Variants in PARD3 observed in about 807,000 individuals in gnomAD.
PARD3 encodes par-3 family cell polarity regulator, also known as partitioning defective 3 homolog.
A neutral mutation model predicts 155.4 loss-of-function variants in PARD3; 75 were observed. The observed-to-expected ratio is 0.48, with a 90% CI of 0.40 to 0.58. The LOEUF (loss-of-function observed/expected upper bound fraction) is 0.58, where lower values mean the gene tolerates loss of function less well. PARD3 is among the 20% of genes least tolerant of loss of function. The pLI is 0.00. For missense variants in PARD3, 1,642 were observed against 1,721.7 expected (o/e 0.95, Z 0.82); for synonymous variants, 576 against 610.5 (o/e 0.94, Z 0.83).
intron 5 of PARD3, among the ~76,000 whole-genome samples, chr10:34,411,639 G>A (rs543458776): frequency 6.6e-6 from 1 of 151,958 alleles, no homozygotes; most frequent in Non-Finnish European, 1.5e-5. Flanking sequence ...CTTGGTGACT[G>A]CAGATCTTGG....
intron 21 of PARD3, among the ~76,000 whole-genome samples, chr10:34,280,139 G>C (rs1206218348): frequency 6.6e-6 from 1 of 152,130 alleles, no homozygotes; most frequent in East Asian, 1.9e-4. Flanking sequence ...AGATATCATA[G>C]CTAATATTTC....
intron 19 of PARD3, among the ~76,000 whole-genome samples, chr10:34,323,557 A>G (rs2384137): frequency 0.055 from 8,393 of 152,258 alleles, 421 homozygotes; most frequent in African/African-American, 0.13. Flanking sequence ...TACTCTAAAA[A>G]TAGCTCTATT....
At position 34,154,402 on chromosome 10, in the gene PARD3, C is replaced by T. The variant is rs961675263; in HGVS notation, c.3420-22819G>A. Among the ~76,000 whole-genome samples, 9 of 152,222 alleles carry T rather than the reference C, an allele frequency of 5.9e-5. No homozygotes were observed. In the East Asian group the frequency reaches 7.7e-4, roughly 13 times the overall value. The stretch of plus-strand genomic sequence containing the variant: ...CTGCAAATTTAGCAGTCATGGTGAA[C>T]GCCCACACTGCAGCTTTCCTGGCAA... On this transcript the variant is annotated intron_variant, in intron 22 of 24. Coordinates refer to ENST00000374788, the MANE Select transcript of PARD3 (RefSeq NM_001184785.2).
intron 3 of PARD3, chr10:34,488,973 C>G (rs773982): frequency 6.6e-6 from 1 of 152,540 alleles, no homozygotes; most frequent in African/African-American, 2.4e-5. Context: ...GCATGCCATG[C>G]GCATGGCCCC....
At chr10:34,402,232 A>G (rs916522483) in intron 5 of PARD3, among the ~76,000 whole-genome samples, 3 of 152,190 alleles carry the variant, frequency 2.0e-5, no homozygotes, top group African/African-American at 4.8e-5. Flanking sequence ...ATTTCTTTTC[A>G]TGTATATTTT....
At chr10:34,462,814 A>AAAG (rs1217365847) in intron 4 of PARD3, among the ~76,000 whole-genome samples, 2 of 151,384 alleles carry the variant, frequency 1.3e-5, no homozygotes, top group Non-Finnish European at 2.9e-5. Flanking sequence ...CCTGGGCAAT[A>AAAG]AAGCAGAGCC....
At chr10:34,332,725 G>A (rs1835749126) in intron 18 of PARD3, among the ~76,000 whole-genome samples, 1 of 152,142 alleles carries the variant, frequency 6.6e-6, no homozygotes, top group Non-Finnish European at 1.5e-5. Context: ...GTGCTGGAAA[G>A]AAAAAGATGT....
intron 20 of PARD3, among the ~76,000 whole-genome samples, chr10:34,290,073 G>T (rs2133963756): frequency 6.6e-6 from 1 of 152,118 alleles, no homozygotes; most frequent in Admixed American, 6.5e-5. Context: ...GAATACTATT[G>T]AAATATTTTA....
intron 1 of PARD3, among the ~76,000 whole-genome samples, chr10:34,710,982 C>G (rs535095158): frequency 1.3e-5 from 2 of 152,230 alleles, no homozygotes; most frequent in Non-Finnish European, 2.9e-5. Flanking sequence ...TCAAGACCAG[C>G]CTGGTCAACA....
chr10:34,242,173 G>A (rs966621514), intron 22 of PARD3, among the ~76,000 whole-genome samples: 19 of 152,028 alleles, frequency 1.2e-4, no homozygotes, highest in Admixed American at 3.3e-4. Flanking sequence ...TAATCATAGC[G>A]GAACATAACA....
At chr10:34,767,246 T>C (rs1838211167) in intron 1 of PARD3, among the ~76,000 whole-genome samples, 1 of 152,128 alleles carries the variant, frequency 6.6e-6, no homozygotes, top group Non-Finnish European at 1.5e-5. Context: ...ACATGTAAGA[T>C]AATTTCAGTT....
intron 2 of PARD3, among the ~76,000 whole-genome samples, chr10:34,536,329 C>G (rs537689875): frequency 1.3e-5 from 2 of 152,238 alleles, no homozygotes; most frequent in South Asian, 4.1e-4. Context: ...CTTCACTGAA[C>G]AGAAGAAAAT....
intron 2 of PARD3, among the ~76,000 whole-genome samples, chr10:34,529,821 C>A (rs1179867639): frequency 2.0e-5 from 3 of 152,176 alleles, no homozygotes; most frequent in African/African-American, 7.2e-5. Flanking sequence ...GCAACCTCCA[C>A]CTCCCAGGTT....
At chr10:34,756,630 TTTTTA>T (rs1836782565) in intron 1 of PARD3, among the ~76,000 whole-genome samples, 2 of 151,920 alleles carry the variant, frequency 1.3e-5, no homozygotes, top group African/African-American at 4.8e-5. Flanking sequence ...GTTTTTTTAC[TTTTTA>T]TAGAGATGGG....
intron 20 of PARD3, among the ~76,000 whole-genome samples, chr10:34,311,252 GTTATTTATTTTTTT>G (rs1484201428): frequency 1.3e-5 from 2 of 152,080 alleles, no homozygotes; most frequent in Admixed American, 6.6e-5. Context: ...CAAGACTTCA[GTTATTTATTTTTTT>G]TTATTTATTT....
intron 2 of PARD3, among the ~76,000 whole-genome samples, chr10:34,590,634 C>A (rs188264557): frequency 1.3e-5 from 2 of 152,236 alleles, no homozygotes; most frequent in African/African-American, 4.8e-5. Flanking sequence ...AGGTGCCTTG[C>A]CACTCTCTTC....
At position 34,764,480 on chromosome 10, in the gene PARD3, T is replaced by G. The variant is rs548913234; in HGVS notation, c.120+50396A>C. Reference sequence around the variant, plus strand: ...AATCTATAGGAAAAATGATATATTTTGGGGGATTTGCTTTGAACTAATCCA... The same window carrying G: ...AATCTATAGGAAAAATGATATATTTGGGGGGATTTGCTTTGAACTAATCCA... On this transcript the variant is annotated intron_variant, in intron 1 of 24. Coordinates refer to ENST00000374788, the MANE Select transcript of PARD3 (RefSeq NM_001184785.2). 2.0e-5 allele frequency among the ~76,000 whole-genome samples: 3 copies of G among 152,246 alleles called. No individual in the cohort carries two copies. In the South Asian group the frequency reaches 6.2e-4, roughly 32 times the overall value.
chr10:34,558,614 T>C lies in PARD3; in HGVS notation c.223-41455A>G, dbSNP rs2085203213. On this transcript the variant is annotated intron_variant, in intron 2 of 24. Transcript: ENST00000374788. ...CCCAGAAAATGTACACATTTACCTT[T>C]ACTCCAATTATTAATTACATAAATG... is the stretch of plus-strand genomic sequence containing the variant. Among the ~76,000 whole-genome samples, 4 of 152,178 alleles carry C rather than the reference T, an allele frequency of 2.6e-5. No homozygotes were observed. The South Asian group carries it at 8.3e-4, about 32-fold the overall frequency.
chr10:34,508,927 C>T (rs1282288876), intron 3 of PARD3, among the ~76,000 whole-genome samples: 2 of 152,140 alleles, frequency 1.3e-5, no homozygotes, highest in Non-Finnish European at 2.9e-5. Context: ...GAACTGTGAA[C>T]ATTATCTCAT....
Sources: gnomAD v4.1 joint callset for allele counts (sites outside exome capture counted in the v4.1 genomes callset) on GRCh38, gnomAD v4.1.1 for gene constraint, MANE v1.5 for transcripts, NCBI Gene and HGNC (gene_info 2026-07-23, HGNC 2026-07-21) for gene names.